Variants in DPP10 observed in about 807,000 individuals in gnomAD.
The protein encoded by DPP10 is dipeptidyl peptidase like 10.
Under a neutral mutation model 120.9 loss-of-function variants are expected in DPP10, and 33 were observed. The observed-to-expected ratio is 0.27, with a 90% CI of 0.21 to 0.37. The LOEUF is 0.37. Among genes scored for constraint, DPP10 ranks in the 10% least tolerant of loss-of-function variants. The pLI is 1.00. For synonymous variants in DPP10, 337 were observed against 326.1 expected, an observed-to-expected ratio of 1.03 and a Z score of -0.36; for missense variants, 816 against 942.8, an observed-to-expected ratio of 0.87 and a Z score of 1.76.
At chr2:114,539,626 C>T (rs1019162039) in intron 1 of DPP10, among the ~76,000 whole-genome samples, 3 of 152,200 alleles carry the variant, frequency 2.0e-5, no homozygotes, top group African/African-American at 7.2e-5. Context: ...AGTGTCATCT[C>T]TGACCTGCTC....
intron 1 of DPP10, among the ~76,000 whole-genome samples, chr2:114,471,976 G>T (rs1357601950): frequency 6.6e-6 from 1 of 152,184 alleles, no homozygotes; most frequent in Non-Finnish European, 1.5e-5. Flanking sequence ...ATAAAATGGG[G>T]CACTTTTTAA....
chr2:114,823,963 T>C (rs1179367186), intron 1 of DPP10, among the ~76,000 whole-genome samples: 1 of 152,184 alleles, frequency 6.6e-6, no homozygotes, highest in Non-Finnish European at 1.5e-5. Flanking sequence ...GGAAGGCATG[T>C]AGAATCATCA....
intron 1 of DPP10, among the ~76,000 whole-genome samples, chr2:114,652,092 G>A (rs930980675): frequency 1.3e-5 from 2 of 152,110 alleles, no homozygotes; most frequent in African/African-American, 4.8e-5. Context: ...GCAGGTGAGT[G>A]AAATGGGGCT....
At chr2:115,603,865 T>C (rs2083522651) in intron 5 of DPP10, among the ~76,000 whole-genome samples, 1 of 152,138 alleles carries the variant, frequency 6.6e-6, no homozygotes, top group Admixed American at 6.5e-5. Flanking sequence ...GTAGCAATCT[T>C]TACAGACTCT....
At chr2:114,544,266 G>T (rs1334829624) in intron 1 of DPP10, among the ~76,000 whole-genome samples, 6 of 152,228 alleles carry the variant, frequency 3.9e-5, no homozygotes, top group Non-Finnish European at 7.3e-5. Flanking sequence ...TCAAGGAACT[G>T]CAGGCATGAG....
chr2:114,574,160 C>A (rs902618502), intron 1 of DPP10, among the ~76,000 whole-genome samples: 5 of 152,130 alleles, frequency 3.3e-5, no homozygotes, highest in African/African-American at 1.2e-4. Context: ...AGGGGCAGAC[C>A]ATTTTACCAC....
chr2:115,156,033 C>G (rs1045669179), intron 1 of DPP10, among the ~76,000 whole-genome samples: 3 of 152,024 alleles, frequency 2.0e-5, no homozygotes, highest in African/African-American at 7.2e-5. Context: ...CTTACTCTCC[C>G]AAAAAGATAC....
chr2:115,716,893 G>A (rs796278425), intron 7 of DPP10, among the ~76,000 whole-genome samples: 1 of 152,192 alleles, frequency 6.6e-6, no homozygotes, highest in Admixed American at 6.5e-5. Context: ...AACTGGAAAA[G>A]CATTAGGCAC....
intron 24 of DPP10, among the ~76,000 whole-genome samples, chr2:115,840,263 A>C (rs550890467): frequency 7.0e-6 from 1 of 141,982 alleles, no homozygotes; most frequent in Admixed American, 7.1e-5. Context: ...TCAAAGTTTT[A>C]CCATTGTATT....
At chr2:114,933,768 T>C (rs1696254473) in intron 1 of DPP10, among the ~76,000 whole-genome samples, 1 of 152,172 alleles carries the variant, frequency 6.6e-6, no homozygotes, top group Non-Finnish European at 1.5e-5. Context: ...TTGGGGACTG[T>C]TTACAAAGGT....
At chr2:115,817,150 A>G (rs969824774) in intron 21 of DPP10, among the ~76,000 whole-genome samples, 5 of 151,792 alleles carry the variant, frequency 3.3e-5, no homozygotes, top group African/African-American at 1.2e-4. Flanking sequence ...CGGGAAGCTG[A>G]GGCAGGAGAA....
chr2:115,444,081 C>G (rs191226951), intron 3 of DPP10, among the ~76,000 whole-genome samples: 9 of 152,236 alleles, frequency 5.9e-5, no homozygotes, highest in Admixed American at 5.9e-4. Context: ...TTTATCTTAT[C>G]CTATAGTGTG....
intron 3 of DPP10, among the ~76,000 whole-genome samples, chr2:115,436,894 ATAAT>A (rs1457887335): frequency 6.6e-6 from 1 of 151,946 alleles, no homozygotes; most frequent in African/African-American, 2.4e-5. Flanking sequence ...TACCCCAATA[ATAAT>A]TAATATTCTA....
chr2:115,635,167 C>T (rs753869468), intron 5 of DPP10, among the ~76,000 whole-genome samples: 18 of 150,164 alleles, frequency 1.2e-4, no homozygotes, highest in Middle Eastern at 3.2e-3. Context: ...TGATGGCTGC[C>T]GCCCTTCCCC....
chr2:114,632,183 C>T (rs1330663283), intron 1 of DPP10, among the ~76,000 whole-genome samples: 1 of 151,970 alleles, frequency 6.6e-6, no homozygotes, highest in Non-Finnish European at 1.5e-5. Flanking sequence ...TCAGATTGTT[C>T]TGATATTAGA....
At chr2:114,941,522 A>G (rs1696894929) in intron 1 of DPP10, among the ~76,000 whole-genome samples, 1 of 152,236 alleles carries the variant, frequency 6.6e-6, no homozygotes, top group African/African-American at 2.4e-5. Flanking sequence ...TTGGGGATAC[A>G]TTGCTAATAA....
Position 115,762,621 on chromosome 2 carries a change from G to C in DPP10, c.1113+11G>C, listed in dbSNP as rs1317693462. ...TGGCTCTCTCAGCAGGTACAGTATA[G>C]GTGGTCTGTCACATCTTGGCCATTG... On this transcript the variant is annotated intron_variant, in intron 12 of 25. Coordinates refer to ENST00000410059, the MANE Select transcript of DPP10 (RefSeq NM_020868.6). 10 of 1,612,866 alleles carry C rather than the reference G, an allele frequency of 6.2e-6. No homozygotes were observed. The highest frequency in any genetic ancestry group is 8.5e-6 in the Non-Finnish European group (10 of 1,179,828).
intron 1 of DPP10, among the ~76,000 whole-genome samples, chr2:115,308,626 G>T (rs569940956): frequency 1.3e-5 from 2 of 150,700 alleles, no homozygotes; most frequent in African/African-American, 4.9e-5. Flanking sequence ...CATGCATGTT[G>T]CCCAGCAAGA....
chr2:115,459,884 G>A (rs1383813069), intron 3 of DPP10, among the ~76,000 whole-genome samples: 1 of 144,522 alleles, frequency 6.9e-6, no homozygotes, highest in Non-Finnish European at 1.5e-5. Flanking sequence ...ACCACCCATA[G>A]GTAAAATTAT....
Sources: gnomAD v4.1 joint callset for allele counts (sites outside exome capture counted in the v4.1 genomes callset) on GRCh38, gnomAD v4.1.1 for gene constraint, MANE v1.5 for transcripts, NCBI Gene and HGNC (gene_info 2026-07-23, HGNC 2026-07-21) for gene names.